The following GPHN variants were observed in gnomAD, a reference collection of about 807,000 sequenced individuals.
GPHN encodes the protein gephyrin.
In GPHN, 17 loss-of-function variants were observed where a neutral mutation model predicts 95.5. The observed-to-expected ratio is 0.18, with a 90% confidence interval of 0.12 to 0.27. The LOEUF (loss-of-function observed/expected upper bound fraction) is 0.27, where lower values mean the gene tolerates loss of function less well. Among genes scored for constraint, GPHN ranks in the 10% least tolerant of loss-of-function variants. The pLI is 1.00. For synonymous variants in GPHN, 320 were observed against 322.5 expected, an observed-to-expected ratio of 0.99 and a Z score of 0.08; for missense variants, 660 against 978.1, an observed-to-expected ratio of 0.67 and a Z score of 4.34.
At chr14:67,680,784 A>G in the GPHN span, among the ~76,000 whole-genome samples, 1 of 152,232 alleles carries the variant, frequency 6.6e-6, no homozygotes, top group Non-Finnish European at 1.5e-5. Flanking sequence ...AAGTGTGCCT[A>G]TGGCATCAGC....
the GPHN span, among the ~76,000 whole-genome samples, chr14:67,326,067 C>T: frequency 0.15 from 22,086 of 146,678 alleles, 3,208 homozygotes; most frequent in East Asian, 0.42. Flanking sequence ...CCTCGTGATC[C>T]AGCCTCCTCG....
At chr14:67,301,957 A>G in the GPHN span, 1 of 1,582,372 alleles carries the variant, frequency 6.3e-7, no homozygotes, top group South Asian at 1.2e-5. Flanking sequence ...AATGCCATGG[A>G]TTTCTTTGAA....
the GPHN span, chr14:67,473,617 A>C: frequency 6.3e-7 from 1 of 1,594,104 alleles, no homozygotes; most frequent in Non-Finnish European, 8.5e-7. The surrounding 1 kb of genome is among the most constrained non-coding windows in gnomAD (Gnocchi z 6.5). Flanking sequence ...GAGTAGTCCC[A>C]GGGGCAGGCG....
At chr14:66,792,205 G>A (rs1346666169) in intron 3 of GPHN, among the ~76,000 whole-genome samples, 2 of 152,138 alleles carry the variant, frequency 1.3e-5, no homozygotes, top group Non-Finnish European at 2.9e-5. Flanking sequence ...ATGCAGCCCT[G>A]TACGTCTCAG....
the GPHN span, among the ~76,000 whole-genome samples, chr14:67,251,087 A>T: frequency 6.6e-6 from 1 of 152,222 alleles, no homozygotes; most frequent in East Asian, 1.9e-4. Context: ...AAGTGATAGA[A>T]AGGAGTTGAA....
At chr14:67,655,165 C>A in the GPHN span, among the ~76,000 whole-genome samples, 1 of 151,580 alleles carries the variant, frequency 6.6e-6, no homozygotes, top group African/African-American at 2.4e-5. Context: ...CATAATGAGA[C>A]CCCGTTTTTA....
intron 1 of GPHN, among the ~76,000 whole-genome samples, chr14:66,517,895 A>G (rs1191457826): frequency 6.6e-6 from 1 of 152,072 alleles, no homozygotes; most frequent in Non-Finnish European, 1.5e-5. Context: ...AAATTTTATA[A>G]ATAAGACCTC....
chr14:67,188,436 A>G, the GPHN span, among the ~76,000 whole-genome samples: 3 of 152,234 alleles, frequency 2.0e-5, no homozygotes, highest in Non-Finnish European at 4.4e-5. Context: ...AATTAAATTG[A>G]TATCATCAAC....
intron 11 of GPHN, among the ~76,000 whole-genome samples, chr14:67,087,846 TG>T (rs1198743807): frequency 1.3e-5 from 2 of 152,212 alleles, no homozygotes; most frequent in Non-Finnish European, 2.9e-5. Flanking sequence ...TTACTTGTCT[TG>T]GTTTCTTTTC....
intron 8 of GPHN, among the ~76,000 whole-genome samples, chr14:66,945,686 AAAG>A (rs1430218147): frequency 6.6e-6 from 1 of 152,250 alleles, no homozygotes; most frequent in Non-Finnish European, 1.5e-5. Flanking sequence ...GACATTTCTC[AAAG>A]AAGATTTGTA....
chr14:67,043,440 A>G (rs2074824906), intron 10 of GPHN, among the ~76,000 whole-genome samples: 1 of 152,210 alleles, frequency 6.6e-6, no homozygotes, highest in Non-Finnish European at 1.5e-5. Context: ...TTTAGCAGGA[A>G]GGAGTGTTGA....
At chr14:66,954,215 T>C (rs1467856087) in intron 8 of GPHN, among the ~76,000 whole-genome samples, 1 of 152,214 alleles carries the variant, frequency 6.6e-6, no homozygotes, top group African/African-American at 2.4e-5. Flanking sequence ...AATCTGTAGA[T>C]AGCTTTGGGC....
At chr14:66,822,565 G>A (rs1291451863) in intron 3 of GPHN, among the ~76,000 whole-genome samples, 1 of 152,066 alleles carries the variant, frequency 6.6e-6, no homozygotes, top group African/African-American at 2.4e-5. Flanking sequence ...CTTAATACAT[G>A]GTAGGTACTT....
At chr14:66,707,012 A>G (rs1426529504) in intron 2 of GPHN, among the ~76,000 whole-genome samples, 5 of 151,920 alleles carry the variant, frequency 3.3e-5, no homozygotes, top group Non-Finnish European at 7.4e-5. Flanking sequence ...ATTAACAGAC[A>G]CTTCTCAAAA....
chr14:67,689,967 C>A, the GPHN span: 3 of 416,054 alleles, frequency 7.2e-6, no homozygotes, highest in Non-Finnish European at 1.3e-5. Flanking sequence ...AGTTAAGTAA[C>A]TTGCTATAGA....
chr14:67,450,786 A>T, the GPHN span, among the ~76,000 whole-genome samples: 1 of 152,228 alleles, frequency 6.6e-6, no homozygotes, highest in Non-Finnish European at 1.5e-5. Flanking sequence ...AGAAAATCCC[A>T]TTCTCTGAGG....
chr14:67,369,540 A>G, the GPHN span, among the ~76,000 whole-genome samples: 1 of 152,236 alleles, frequency 6.6e-6, no homozygotes, highest in African/African-American at 2.4e-5. Context: ...AGTGTGCATG[A>G]CATTCACCAA....
At chr14:67,693,962 T>C in the GPHN span, among the ~76,000 whole-genome samples, 14 of 152,164 alleles carry the variant, frequency 9.2e-5, no homozygotes, top group African/African-American at 3.1e-4. Flanking sequence ...AGAGTGCTTG[T>C]TTCTAAGTAC....
chr14:66,890,354 G>A (rs1192137320), intron 5 of GPHN, among the ~76,000 whole-genome samples: 1 of 149,446 alleles, frequency 6.7e-6, no homozygotes, highest in Admixed American at 6.7e-5. Context: ...GCCACACAGT[G>A]AGCCCTGATC....
Sources: gnomAD v4.1 joint callset for allele counts (sites outside exome capture counted in the v4.1 genomes callset) on GRCh38, gnomAD v4.1.1 for gene constraint, Gnocchi (gnomAD v3.1) non-coding constraint, MANE v1.5 for transcripts, NCBI Gene and HGNC (gene_info 2026-07-23, HGNC 2026-07-21) for gene names.